Variants in PCSK6 observed in about 807,000 individuals in gnomAD.
PCSK6 encodes paired basic amino acid cleaving enzyme 4.
Under a neutral mutation model 123.3 loss-of-function variants are expected in PCSK6, and 85 were observed. That is an observed-to-expected ratio of 0.69 (90% confidence interval 0.58 to 0.83). The LOEUF (loss-of-function observed/expected upper bound fraction) is 0.83. Ranked by LOEUF, PCSK6 falls within the 40% of genes least tolerant of loss-of-function variation. PCSK6 has a pLI of 0.00. For missense variants in PCSK6, 1,191 were observed against 1,282.3 expected (o/e 0.93, Z 1.09); for synonymous variants, 508 against 516.0 (o/e 0.98, Z 0.21).
intron 18 of PCSK6, among the ~76,000 whole-genome samples, chr15:101,321,895 T>C (rs2141353282): frequency 6.6e-6 from 1 of 152,394 alleles, no homozygotes; most frequent in South Asian, 2.1e-4. Context: ...TCTAAGATTT[T>C]AGACAGCAAT....
chr15:101,382,100 C>T lies in PCSK6; in HGVS notation c.1524G>A (p.Lys508=). The T allele has an allele frequency of 6.2e-7, 1 of 1,604,576 alleles. No individual in the cohort carries two copies. Among genetic ancestry groups the T allele is most frequent in the Non-Finnish European group, 8.5e-7 (1 of 1,175,386 alleles). ...CCACAGCAGAGCCTTACCTGGGTCT[C>T]TTGTCCGAGGCGGCCACACACATGT... is the stretch of plus-strand genomic sequence containing the variant. ...SQHMCVAASD[K]RPRSIPLVQV... Residue 508 remains lysine (K), a synonymous_variant, in exon 11 of 22, where the codon AAG becomes AAA. Transcript: ENST00000611716.
chr15:101,330,952 T>G (rs2040359660), intron 15 of PCSK6, among the ~76,000 whole-genome samples: 1 of 152,232 alleles, frequency 6.6e-6, no homozygotes, highest in Non-Finnish European at 1.5e-5. Context: ...ACAGAAGATA[T>G]TAGATAACTT....
intron 6 of PCSK6, 25 bp downstream of exon 6, chr15:101,427,867 C>T (rs376660416): frequency 1.4e-5 from 22 of 1,532,106 alleles, no homozygotes; most frequent in African/African-American, 8.2e-5. Flanking sequence ...CCCCTCGGCT[C>T]GCAGGCTGCC....
At chr15:101,346,642 A>G (rs2040737189) in intron 13 of PCSK6, 4 of 623,098 alleles carry the variant, frequency 6.4e-6, no homozygotes, top group Non-Finnish European at 9.2e-6. Flanking sequence ...GGCAACAGGA[A>G]TGCCCAAGCG....
intron 1 of PCSK6, chr15:101,463,027 T>C (rs1193474153): frequency 2.2e-6 from 1 of 461,210 alleles, no homozygotes; most frequent in African/African-American, 2.0e-5. Flanking sequence ...TCTCTGCAGA[T>C]GGTGGGTGAG....
chr15:101,434,088 C>T (rs1050573165), intron 2 of PCSK6, among the ~76,000 whole-genome samples: 6 of 152,228 alleles, frequency 3.9e-5, no homozygotes, highest in Non-Finnish European at 8.8e-5. Flanking sequence ...ATATTTTGTT[C>T]CTAACACCGG....
intron 13 of PCSK6, among the ~76,000 whole-genome samples, chr15:101,344,675 A>G (rs1336518916): frequency 6.6e-6 from 1 of 152,134 alleles, no homozygotes; most frequent in Non-Finnish European, 1.5e-5. Context: ...ATTTTTTGAG[A>G]TGGAGTCTCA....
intron 6 of PCSK6, among the ~76,000 whole-genome samples, chr15:101,415,811 T>G (rs988396765): frequency 1.6e-4 from 24 of 152,254 alleles, no homozygotes; most frequent in African/African-American, 5.8e-4. Context: ...TTTCTGCTTT[T>G]GCTTCCTCCT....
At chr15:101,379,753 G>A (rs1430806009) in intron 11 of PCSK6, among the ~76,000 whole-genome samples, 1 of 152,214 alleles carries the variant, frequency 6.6e-6, no homozygotes, top group African/African-American at 2.4e-5. Context: ...TTTCGGCCAC[G>A]TGATCCTAGC....
In PCSK6 at chr15:101,365,522, G is replaced by C. The variant is rs189626618; in HGVS notation, c.1858+674C>G. Reference sequence around the variant, plus strand: ...GCTGTTCCTCAAAACGTTCAACATAGAGTTACCATATGACCTGACAATTCC... The same window carrying C: ...GCTGTTCCTCAAAACGTTCAACATACAGTTACCATATGACCTGACAATTCC... On this transcript the variant is annotated intron_variant, in intron 13 of 21. Transcript: ENST00000611716. 5.3e-5 allele frequency among the ~76,000 whole-genome samples: 8 copies of C among 152,236 alleles called. No homozygotes were observed. The East Asian group carries it at 1.5e-3, about 29-fold the overall frequency.
chr15:101,357,994 G>C (rs2041096565), intron 13 of PCSK6, among the ~76,000 whole-genome samples: 1 of 152,192 alleles, frequency 6.6e-6, no homozygotes, highest in South Asian at 2.1e-4. Context: ...CTCATGGAAG[G>C]GCCCAGACCT....
chr15:101,479,130 C>T (rs999330339), intron 1 of PCSK6, among the ~76,000 whole-genome samples: 12 of 152,182 alleles, frequency 7.9e-5, no homozygotes, highest in African/African-American at 9.6e-5. Flanking sequence ...ACACCCCGCA[C>T]GCCATGGCCG....
At chr15:101,488,374 C>G (rs987107982) in intron 1 of PCSK6, among the ~76,000 whole-genome samples, 1 of 152,156 alleles carries the variant, frequency 6.6e-6, no homozygotes, top group Admixed American at 6.5e-5. Context: ...CCCCTCAGCC[C>G]GGTAGCTGGT....
chr15:101,488,741 C>T (rs952504751), intron 1 of PCSK6, among the ~76,000 whole-genome samples: 2 of 151,630 alleles, frequency 1.3e-5, no homozygotes, highest in African/African-American at 4.8e-5. Context: ...ACCCCCGGCC[C>T]TGCGCTGTCC....
In PCSK6 at chr15:101,370,652, C is replaced by T. The variant is rs562672894; in HGVS notation, c.1533-129G>A. 1.4e-4 allele frequency: 109 copies of T among 776,506 alleles called. 1 individual carries two copies. Among genetic ancestry groups the T allele is most frequent in the East Asian group, 2.8e-4 (9 of 31,650 alleles). The allele number at this position is 776,506 out of a possible 1,614,324, so 48.1% of individuals were successfully genotyped here. A position where few individuals can be genotyped will look rare whatever the true frequency, so the allele number is the denominator to read the frequency against. On this transcript the variant is annotated intron_variant, in intron 11 of 21. Coordinates refer to ENST00000611716, the MANE Select transcript of PCSK6 (RefSeq NM_002570.5). ...CAGGGCCCTGCGGGCCCCGGGGAGC[C>T]GCAGCAGCCTCTGACTGCCTCACGT...
chr15:101,348,147 C>G (rs900443165), intron 13 of PCSK6, among the ~76,000 whole-genome samples: 28 of 148,422 alleles, frequency 1.9e-4, no homozygotes, highest in Non-Finnish European at 3.6e-4. Flanking sequence ...CAACCCCCGC[C>G]CCCCCGGGGT....
At chr15:101,387,353 T>C (rs2042093453) in intron 9 of PCSK6, among the ~76,000 whole-genome samples, 1 of 152,160 alleles carries the variant, frequency 6.6e-6, no homozygotes, top group African/African-American at 2.4e-5. Flanking sequence ...CCTGGCAAGT[T>C]ACTGCTGTGT....
intron 1 of PCSK6, among the ~76,000 whole-genome samples, chr15:101,484,151 T>A (rs975305712): frequency 6.6e-6 from 1 of 152,112 alleles, no homozygotes; most frequent in Non-Finnish European, 1.5e-5. Flanking sequence ...CTAGGCACAA[T>A]TTTGTATATA....
At chr15:101,469,243 G>C (rs1168155689) in intron 1 of PCSK6, among the ~76,000 whole-genome samples, 1 of 152,124 alleles carries the variant, frequency 6.6e-6, no homozygotes. Context: ...TCCATCCCAA[G>C]TGATGCCCAG....
Sources: gnomAD v4.1 joint callset for allele counts (sites outside exome capture counted in the v4.1 genomes callset) on GRCh38, gnomAD v4.1.1 for gene constraint, MANE v1.5 for transcripts, NCBI Gene and HGNC (gene_info 2026-07-23, HGNC 2026-07-21) for gene names.